Variants in NUP210L observed in about 807,000 individuals in gnomAD.
NUP210L encodes the protein nuclear pore membrane glycoprotein 210-like.
In NUP210L, 74 loss-of-function variants were observed where a neutral mutation model predicts 208.5. That is an observed-to-expected ratio of 0.35 (90% confidence interval 0.29 to 0.43). The LOEUF is 0.43. NUP210L is among the 20% of genes least tolerant of loss of function. The probability of loss-of-function intolerance (pLI) is 1.00; values close to 1 mark genes in which losing one functional copy is unlikely to be tolerated. For missense variants in NUP210L, 1,843 were observed against 2,289.4 expected (o/e 0.81, Z 3.98); for synonymous variants, 780 against 816.9 (o/e 0.95, Z 0.77).
At position 154,088,613 on chromosome 1, in the gene NUP210L, C is replaced by G. The variant is rs568151984; in HGVS notation, c.2361+808G>C. Among the ~76,000 whole-genome samples the G allele has an allele frequency of 2.0e-4, 31 of 152,278 alleles. No homozygotes were observed. The East Asian group carries it at 5.8e-3, about 28-fold the overall frequency. On this transcript the variant is annotated intron_variant, in intron 16 of 39. Transcript: ENST00000368559. ...AGTCTGACTCAAAAAAATGGGTTCA[C>G]AACCTGTAACATCCCATACTGTTGT...
intron 37 of NUP210L, among the ~76,000 whole-genome samples, chr1:153,999,288 G>A (rs770607078): frequency 4.6e-5 from 7 of 152,084 alleles, no homozygotes; most frequent in East Asian, 1.9e-4. Flanking sequence ...ACACCTTTTC[G>A]TAACTATTCC....
chr1:154,115,422 T>C (rs1657271798), intron 12 of NUP210L, among the ~76,000 whole-genome samples: 1 of 152,228 alleles, frequency 6.6e-6, no homozygotes, highest in South Asian at 2.1e-4. Context: ...AGCTGTGTTC[T>C]GAAAAAAGTT....
At chr1:154,130,524 C>G (rs1658190914) in intron 7 of NUP210L, among the ~76,000 whole-genome samples, 1 of 151,664 alleles carries the variant, frequency 6.6e-6, no homozygotes, top group Non-Finnish European at 1.5e-5. Flanking sequence ...CCACCCGCCT[C>G]AGCCTCCCAA....
intron 6 of NUP210L, 78 bp downstream of exon 6, chr1:154,138,028 T>C (rs1658635682): frequency 1.0e-6 from 1 of 1,000,652 alleles, no homozygotes; most frequent in African/African-American, 1.7e-5. Flanking sequence ...TTTTCATATG[T>C]AATGTGGAGT....
intron 16 of NUP210L, chr1:154,078,769 C>CT (rs947865214): frequency 6.6e-6 from 1 of 151,942 alleles, no homozygotes; most frequent in African/African-American, 2.4e-5. Context: ...AACTAGGTTA[C>CT]TAAAGATTAA....
rs1370990155 is a variant in NUP210L, at chr1:154,143,582, A to G, written c.341-5T>C. The G allele has an allele frequency of 2.5e-6, 4 of 1,609,842 alleles. No homozygotes were observed. Among genetic ancestry groups the G allele is most frequent in the Non-Finnish European group, 2.5e-6 (3 of 1,178,290 alleles). On this transcript the variant is annotated splice_polypyrimidine_tract_variant and splice_region_variant and intron_variant, in intron 2 of 39. Transcript: ENST00000368559. ...AGCGTAGCTCATGGTCAGTCACTACAATGAACCCAAAAACTGAGTATTTAA... is the reference window on the plus strand; with the variant it reads ...AGCGTAGCTCATGGTCAGTCACTACGATGAACCCAAAAACTGAGTATTTAA...
intron 2 of NUP210L, among the ~76,000 whole-genome samples, chr1:154,146,502 C>T (rs1423803046): frequency 1.3e-5 from 2 of 151,324 alleles, no homozygotes; most frequent in Admixed American, 1.3e-4. Flanking sequence ...TATGGTGGCA[C>T]CCATCTATGG....
chr1:154,147,261 T>G (rs1659162489), intron 2 of NUP210L, among the ~76,000 whole-genome samples: 1 of 152,120 alleles, frequency 6.6e-6, no homozygotes, highest in African/African-American at 2.4e-5. Flanking sequence ...TCTATGTGGG[T>G]TTTTTCCCTG....
At position 154,114,142 on chromosome 1, in the gene NUP210L, CA is replaced by C. The variant is rs768988851; in HGVS notation, c.1620+3582del. Among the ~76,000 whole-genome samples the C allele has an allele frequency of 6.5e-3, 780 of 120,070 alleles. 1 individual carries two copies. Among genetic ancestry groups the C allele is most frequent in the Non-Finnish European group, 5.9e-3 (332 of 56,388 alleles). 78.8% of individuals were successfully genotyped at this position (120,070 alleles called of 152,430 possible). On this transcript the variant is annotated intron_variant, in intron 12 of 39. Coordinates refer to ENST00000368559, the Ensembl canonical transcript of NUP210L. Reference sequence around the variant, plus strand: ...TGGGCAACAGCGCAAGACTCCATCTCAAAAAAAAAAAAAAAATTTGCCAGGC... The same window carrying C: ...TGGGCAACAGCGCAAGACTCCATCTCAAAAAAAAAAAAAAATTTGCCAGGC...
At chr1:154,096,843 G>A (rs1402892048) in intron 14 of NUP210L, among the ~76,000 whole-genome samples, 3 of 152,002 alleles carry the variant, frequency 2.0e-5, no homozygotes, top group Non-Finnish European at 4.4e-5. Flanking sequence ...CACTTTGGGA[G>A]GCCAAGGCAG....
chr1:154,119,250 A>G (rs1409984668), intron 10 of NUP210L, among the ~76,000 whole-genome samples: 1 of 152,162 alleles, frequency 6.6e-6, no homozygotes, highest in Non-Finnish European at 1.5e-5. Context: ...CTTAAAAACA[A>G]GCAGAACCCA....
chr1:153,995,767 T>C (rs1022541176), intron 37 of NUP210L: 2 of 688,084 alleles, frequency 2.9e-6, no homozygotes, highest in African/African-American at 1.8e-5. Flanking sequence ...AAAATCTGCA[T>C]GTGGCATGTG....
chr1:153,993,134 C>A, intron 38 of NUP210L, 45 bp from the exon 39 acceptor site: 2 of 1,379,492 alleles, frequency 1.4e-6, no homozygotes, highest in South Asian at 1.3e-5. Flanking sequence ...CTGAGGAAGG[C>A]CTTAAAAGGC....
At chr1:154,044,066 C>T (rs965795224) in intron 27 of NUP210L, among the ~76,000 whole-genome samples, 1 of 152,150 alleles carries the variant, frequency 6.6e-6, no homozygotes. Flanking sequence ...GAATAGAGGC[C>T]AAGGCCTAGC....
intron 27 of NUP210L, 33 bp from the exon 28 acceptor site, chr1:154,030,087 C>T: frequency 7.2e-7 from 1 of 1,396,480 alleles, no homozygotes; most frequent in Non-Finnish European, 9.6e-7. Flanking sequence ...AAGAAATATT[C>T]ATCAATAAAC....
intron 16 of NUP210L, among the ~76,000 whole-genome samples, chr1:154,076,345 AC>A (rs1655039788): frequency 6.7e-6 from 1 of 149,630 alleles, no homozygotes; most frequent in Non-Finnish European, 1.5e-5. Flanking sequence ...CTCATGATCC[AC>A]CCACCTCAGC....
At chr1:154,066,736 G>A (rs1050042086) in intron 17 of NUP210L, among the ~76,000 whole-genome samples, 15 of 152,116 alleles carry the variant, frequency 9.9e-5, no homozygotes, top group South Asian at 2.1e-4. Context: ...TCAAATAGAC[G>A]CAATAAAAAA....
At position 154,002,567 on chromosome 1, in the gene NUP210L, G is replaced by A. The variant is rs571252601; in HGVS notation, c.4931-582C>T. On this transcript the variant is annotated intron_variant, in intron 35 of 39. Coordinates refer to ENST00000368559, the Ensembl canonical transcript of NUP210L. ...GAAATTGCTTGAGATGGACGTTGCA[G>A]TGAGCTGAGATCACACCACTGCATT... Among the ~76,000 whole-genome samples the A allele has an allele frequency of 4.1e-4, 62 of 152,044 alleles. 1 individual carries two copies. In the South Asian group the frequency reaches 0.012, roughly 30 times the overall value.
intron 12 of NUP210L, among the ~76,000 whole-genome samples, chr1:154,107,142 C>T (rs1035696521): frequency 6.6e-6 from 1 of 152,052 alleles, no homozygotes; most frequent in Non-Finnish European, 1.5e-5. Context: ...TCCTATCAGA[C>T]AAATATAACA....
Sources: allele counts gnomAD v4.1 joint callset (sites outside exome capture counted in the v4.1 genomes callset), GRCh38; gene constraint gnomAD v4.1.1; transcripts MANE v1.5; gene names NCBI Gene and HGNC (gene_info 2026-07-23, HGNC 2026-07-21).